Variants in KCNK13 observed in about 807,000 individuals in gnomAD.
The protein encoded by KCNK13 is potassium channel subfamily K member 13.
A neutral mutation model predicts 23.4 loss-of-function variants in KCNK13; 12 were observed. That is an observed-to-expected ratio of 0.51 (90% CI 0.33 to 0.83). KCNK13 has a LOEUF of 0.83. Among genes scored for constraint, KCNK13 ranks in the 40% least tolerant of loss-of-function variants. The pLI, the probability that KCNK13 is intolerant of heterozygous loss-of-function variation, is 0.02. For synonymous variants in KCNK13, 231 were observed against 229.5 expected, an observed-to-expected ratio of 1.01 and a Z score of -0.06; for missense variants, 463 against 556.3, an observed-to-expected ratio of 0.83 and a Z score of 1.69.
At chr14:90,167,917 G>A (rs1457713487) in intron 1 of KCNK13, among the ~76,000 whole-genome samples, 1 of 152,188 alleles carries the variant, frequency 6.6e-6, no homozygotes, top group Non-Finnish European at 1.5e-5. Context: ...GAAGTAGAAG[G>A]TCCTTGAATA....
At position 90,062,573 on chromosome 14, in the gene KCNK13, CG is replaced by C; in HGVS notation, c.334+37del. 1 of 1,418,278 alleles carries C rather than the reference CG, an allele frequency of 7.1e-7. No homozygotes were observed. Among genetic ancestry groups the C allele is most frequent in the Non-Finnish European group, 9.3e-7 (1 of 1,077,036 alleles). 87.9% of individuals were successfully genotyped at this position (1,418,278 alleles called of 1,614,324 possible). On this transcript the variant is annotated intron_variant, in intron 1 of 1. Transcript: ENST00000282146. This position sits in a 1 kb window ranked among gnomAD's most constrained non-coding sequence, Gnocchi z 4.5. ...GCTGGCCGGACTCGCTGACAACCTC[CG>C]GGCGGCCTCCACTTCCTCCGGGGGG...
At chr14:90,093,998 C>G (rs1192802556) in intron 1 of KCNK13, among the ~76,000 whole-genome samples, 5 of 152,138 alleles carry the variant, frequency 3.3e-5, no homozygotes, top group African/African-American at 1.2e-4. Flanking sequence ...TGGCCTCTTT[C>G]TCTCATGACA....
chr14:90,147,435 T>TCTG (rs56236850), intron 1 of KCNK13, among the ~76,000 whole-genome samples: 7 of 151,642 alleles, frequency 4.6e-5, no homozygotes, highest in African/African-American at 9.7e-5. Context: ...TGGGATAGGA[T>TCTG]CTTCTTTCTT....
chr14:90,165,282 G>A (rs1890290640), intron 1 of KCNK13, among the ~76,000 whole-genome samples: 1 of 152,202 alleles, frequency 6.6e-6, no homozygotes, highest in African/African-American at 2.4e-5. Context: ...GCCATGGGGA[G>A]AGGGAGAGTG....
chr14:90,107,812 C>G, intron 1 of KCNK13: 3 of 869,014 alleles, frequency 3.5e-6, no homozygotes, highest in Admixed American at 1.7e-5. Context: ...TGGAATTTGT[C>G]GAGATCACAA....
intron 1 of KCNK13, among the ~76,000 whole-genome samples, chr14:90,119,084 T>C (rs1465343407): frequency 6.6e-6 from 1 of 152,144 alleles, no homozygotes; most frequent in Non-Finnish European, 1.5e-5. Context: ...CTCCTAAGAC[T>C]GAACCAGGAA....
chr14:90,093,315 C>T (rs1335875278), intron 1 of KCNK13, among the ~76,000 whole-genome samples: 1 of 152,164 alleles, frequency 6.6e-6, no homozygotes. Context: ...GAACGTTCCC[C>T]AAACACATGG....
chr14:90,079,456 C>T (rs1889182100), intron 1 of KCNK13, among the ~76,000 whole-genome samples: 1 of 152,100 alleles, frequency 6.6e-6, no homozygotes, highest in Non-Finnish European at 1.5e-5. Context: ...TTTATACTCC[C>T]ACACCAGCCA....
intron 1 of KCNK13, among the ~76,000 whole-genome samples, chr14:90,108,832 C>T (rs753160443): frequency 2.3e-4 from 35 of 152,170 alleles, no homozygotes; most frequent in Admixed American, 1.2e-3. Context: ...AACTTACAGC[C>T]CCCTACCCTA....
intron 1 of KCNK13, among the ~76,000 whole-genome samples, chr14:90,116,653 C>T (rs968165601): frequency 8.5e-5 from 13 of 152,108 alleles, no homozygotes; most frequent in Non-Finnish European, 1.6e-4. Flanking sequence ...GCAGCGTGAG[C>T]TTCGGGTTTG....
chr14:90,120,283 T>C (rs1383223580), intron 1 of KCNK13, among the ~76,000 whole-genome samples: 1 of 152,202 alleles, frequency 6.6e-6, no homozygotes, highest in Non-Finnish European at 1.5e-5. Flanking sequence ...CCATACGTGA[T>C]GTGTGTGTGT....
At chr14:90,158,016 G>A (rs1890214363) in intron 1 of KCNK13, among the ~76,000 whole-genome samples, 1 of 152,004 alleles carries the variant, frequency 6.6e-6, no homozygotes, top group South Asian at 2.1e-4. Context: ...TTATTTTTTC[G>A]AAGGATCAGA....
chr14:90,111,298 A>G (rs1297473336), intron 1 of KCNK13, among the ~76,000 whole-genome samples: 2 of 152,030 alleles, frequency 1.3e-5, no homozygotes, highest in African/African-American at 2.4e-5. Flanking sequence ...GAAATTTTCT[A>G]TTTCTTGACT....
intron 1 of KCNK13, among the ~76,000 whole-genome samples, chr14:90,159,129 A>G (rs1162425025): frequency 6.6e-6 from 1 of 152,186 alleles, no homozygotes; most frequent in Non-Finnish European, 1.5e-5. Flanking sequence ...GGAAGAGCAA[A>G]GAGAGGGTGA....
intron 1 of KCNK13, among the ~76,000 whole-genome samples, chr14:90,114,926 G>T (rs552080450): frequency 1.3e-5 from 2 of 152,326 alleles, no homozygotes; most frequent in East Asian, 1.9e-4. Flanking sequence ...CTGCATGCAG[G>T]TGCAGGTTCA....
intron 1 of KCNK13, among the ~76,000 whole-genome samples, chr14:90,080,176 A>G (rs1889190064): frequency 1.3e-5 from 2 of 152,180 alleles, no homozygotes; most frequent in African/African-American, 4.8e-5. Context: ...ATTGAAGGCC[A>G]GGTGTGGTGG....
chr14:90,184,774 C>T lies in KCNK13; in HGVS notation c.998C>T (p.Ala333Val), dbSNP rs1286506779. The T allele has an allele frequency of 5.6e-6, 9 of 1,613,376 alleles. No individual in the cohort carries two copies. Among genetic ancestry groups the T allele is most frequent in the Non-Finnish European group, 7.6e-6 (9 of 1,179,388 alleles). ...CNISIETDGVAESDTDGRRLS... is the reference protein window; with the variant it reads ...CNISIETDGVVESDTDGRRLS... Reference sequence around the variant, plus strand: ...ATCTCCATAGAGACAGACGGGGTGGCAGAGAGTGACACGGACGGGCGCCGG... The same window carrying T: ...ATCTCCATAGAGACAGACGGGGTGGTAGAGAGTGACACGGACGGGCGCCGG... Residue 333 changes from alanine (A) to valine (V), a missense_variant, in exon 2 of 2, where the codon GCA becomes GTA. Physicochemically the swap from Ala to Val is moderately conservative, Grantham distance 64. This residue lies in a region of KCNK13 where 166 missense variants were observed against 178.8 expected (regional missense o/e 0.93). Coordinates refer to ENST00000282146, the MANE Select transcript of KCNK13 (RefSeq NM_022054.4). This position sits in a 1 kb window ranked among gnomAD's most constrained non-coding sequence, Gnocchi z 5.6.
intron 1 of KCNK13, among the ~76,000 whole-genome samples, chr14:90,164,903 C>G (rs762422082): frequency 8.5e-5 from 13 of 152,204 alleles, no homozygotes; most frequent in Non-Finnish European, 1.5e-4. Flanking sequence ...TCGTTCATTT[C>G]TCACTGTATT....
At chr14:90,160,020 C>T (rs1953216) in intron 1 of KCNK13, among the ~76,000 whole-genome samples, 106,857 of 151,732 alleles carry the variant, frequency 0.7, 38,462 homozygotes, top group Admixed American at 0.79. Flanking sequence ...GCCTCTGCTC[C>T]CGAGGAGCTT....
Sources: allele counts gnomAD v4.1 joint callset (sites outside exome capture counted in the v4.1 genomes callset), GRCh38; gene constraint gnomAD v4.1.1; regional missense constraint gnomAD v4.1.1; non-coding constraint Gnocchi (gnomAD v3.1); transcripts MANE v1.5; gene names NCBI Gene and HGNC (gene_info 2026-07-23, HGNC 2026-07-21).